The following TRERF1 variants were observed in gnomAD, a reference collection of about 807,000 sequenced individuals.
The protein encoded by TRERF1 is transcriptional regulating factor 1, also known as transcriptional-regulating factor 1.
A neutral mutation model predicts 122.9 loss-of-function variants in TRERF1; 27 were observed. The ratio of observed to expected loss-of-function variants is 0.22; its 90% CI spans 0.16 to 0.30. TRERF1 has a LOEUF of 0.30. TRERF1 is among the 10% of genes least tolerant of loss of function. The pLI is 1.00. For synonymous variants in TRERF1, 636 were observed against 641.7 expected, an observed-to-expected ratio of 0.99 and a Z score of 0.13; for missense variants, 1,248 against 1,560.3, an observed-to-expected ratio of 0.80 and a Z score of 3.37.
intron 2 of TRERF1, among the ~76,000 whole-genome samples, chr6:42,429,268 AC>A (rs961334689): frequency 6.6e-6 from 1 of 151,366 alleles, no homozygotes; most frequent in African/African-American, 2.4e-5. Context: ...GTCTGGAGAA[AC>A]CCCCTGCCCT....
chr6:42,435,471 A>G (rs895050712), intron 2 of TRERF1, among the ~76,000 whole-genome samples: 2 of 151,950 alleles, frequency 1.3e-5, no homozygotes, highest in African/African-American at 4.8e-5. Flanking sequence ...GGATTGCTTG[A>G]GCCTAGGAGG....
intron 2 of TRERF1, among the ~76,000 whole-genome samples, chr6:42,368,795 A>T (rs1773231788): frequency 6.6e-6 from 1 of 152,224 alleles, no homozygotes; most frequent in Non-Finnish European, 1.5e-5. Context: ...GGACATAGGC[A>T]TTATATCACA....
At chr6:42,304,103 T>G (rs1462994153) in intron 3 of TRERF1, among the ~76,000 whole-genome samples, 2 of 152,164 alleles carry the variant, frequency 1.3e-5, no homozygotes, top group Non-Finnish European at 2.9e-5. Flanking sequence ...TCTTACCTAC[T>G]TGTTTTCTGC....
intron 4 of TRERF1, among the ~76,000 whole-genome samples, chr6:42,287,563 G>A (rs963905245): frequency 6.6e-6 from 1 of 151,970 alleles, no homozygotes; most frequent in Admixed American, 6.6e-5. Context: ...ACCTCCTCCC[G>A]CCAAACAAAC....
At chr6:42,448,585 G>C (rs1290360155) in intron 2 of TRERF1, among the ~76,000 whole-genome samples, 1 of 152,208 alleles carries the variant, frequency 6.6e-6, no homozygotes, top group Non-Finnish European at 1.5e-5. Context: ...CTCAGGAAGA[G>C]ACTGTCAAGA....
At chr6:42,428,749 T>C (rs1433894531) in intron 2 of TRERF1, among the ~76,000 whole-genome samples, 1 of 152,248 alleles carries the variant, frequency 6.6e-6, no homozygotes, top group Non-Finnish European at 1.5e-5. Context: ...AGGTCAGCCC[T>C]GACTCCGAAA....
chr6:42,326,031 G>A (rs948735203), intron 3 of TRERF1, among the ~76,000 whole-genome samples: 2 of 152,212 alleles, frequency 1.3e-5, no homozygotes, highest in Non-Finnish European at 1.5e-5. Flanking sequence ...AAATGCGGGA[G>A]GGTGGCAAGG....
At chr6:42,308,941 A>T (rs901888836) in intron 3 of TRERF1, among the ~76,000 whole-genome samples, 1 of 126,922 alleles carries the variant, frequency 7.9e-6, no homozygotes, top group African/African-American at 3.2e-5. Context: ...GTAAAATAAA[A>T]GTTAAACATT....
At chr6:42,415,549 G>C (rs941842835) in intron 2 of TRERF1, among the ~76,000 whole-genome samples, 4 of 152,030 alleles carry the variant, frequency 2.6e-5, no homozygotes, top group Admixed American at 2.0e-4. Flanking sequence ...GCTTATTCTG[G>C]TCTAAGGCAT....
intron 3 of TRERF1, among the ~76,000 whole-genome samples, chr6:42,318,295 C>T (rs959968980): frequency 6.6e-6 from 1 of 152,218 alleles, no homozygotes; most frequent in Non-Finnish European, 1.5e-5. Context: ...GCCCCCAACA[C>T]TGAATACAGG....
intron 2 of TRERF1, among the ~76,000 whole-genome samples, chr6:42,414,693 A>C (rs1781581346): frequency 6.6e-6 from 1 of 152,238 alleles, no homozygotes; most frequent in African/African-American, 2.4e-5. Context: ...CCAATTATTC[A>C]GCCACATTAT....
rs139674722 is a variant in TRERF1 at position 42,292,121 on chromosome 6, A to G, written c.-259+8517T>C. Among the ~76,000 whole-genome samples, 563 of 152,296 alleles carry G rather than the reference A, an allele frequency of 3.7e-3. 2 individuals are homozygous for G. The highest frequency in any genetic ancestry group is 0.012 in the African/African-American group (497 of 41,564). ...TTAAACAAGAGAAGGTACAGGACACATGTGCTCCCAGGGAGGACTCGAGCA... is the reference window on the plus strand; with the variant it reads ...TTAAACAAGAGAAGGTACAGGACACGTGTGCTCCCAGGGAGGACTCGAGCA... On this transcript the variant is annotated intron_variant, in intron 4 of 17. Transcript: ENST00000372922.
At chr6:42,325,737 T>C (rs948385655) in intron 3 of TRERF1, among the ~76,000 whole-genome samples, 1 of 152,124 alleles carries the variant, frequency 6.6e-6, no homozygotes, top group African/African-American at 2.4e-5. Context: ...TAGCTGGGTG[T>C]GGTGGTGTGC....
chr6:42,360,364 C>T (rs1487518984), intron 3 of TRERF1, among the ~76,000 whole-genome samples: 2 of 152,162 alleles, frequency 1.3e-5, no homozygotes, highest in African/African-American at 2.4e-5. Flanking sequence ...AGAAATTAAA[C>T]GGGATTTCAG....
intron 2 of TRERF1, among the ~76,000 whole-genome samples, chr6:42,411,351 C>T (rs545039332): frequency 3.9e-5 from 6 of 152,198 alleles, no homozygotes; most frequent in Non-Finnish European, 7.3e-5. Context: ...AGCCAGTAAG[C>T]AGATGAGCTA....
At chr6:42,343,325 G>C (rs16895613) in intron 3 of TRERF1, among the ~76,000 whole-genome samples, 3,828 of 152,248 alleles carry the variant, frequency 0.025, 165 homozygotes, top group African/African-American at 0.087. Context: ...TTTAAAATGA[G>C]GGTTAGACTC....
intron 3 of TRERF1, among the ~76,000 whole-genome samples, chr6:42,350,268 C>T (rs1769161166): frequency 6.6e-6 from 1 of 152,266 alleles, no homozygotes; most frequent in South Asian, 2.1e-4. Context: ...GTAAATGAGG[C>T]CCAGAGTGAA....
At chr6:42,334,047 A>G (rs1288373856) in intron 3 of TRERF1, among the ~76,000 whole-genome samples, 1 of 152,182 alleles carries the variant, frequency 6.6e-6, no homozygotes, top group African/African-American at 2.4e-5. Context: ...ATATATGTAT[A>G]TGTATATGTA....
At position 42,256,839 on chromosome 6, in the gene TRERF1, G is replaced by C; in HGVS notation, c.2477-8C>G. 6.2e-7 allele frequency: 1 copy of C among 1,613,884 alleles called. No individual in the cohort carries two copies. Among genetic ancestry groups the C allele is most frequent in the Non-Finnish European group, 8.5e-7 (1 of 1,179,712 alleles). ...AATTCAGAAGATTCTCCACTGTTGG[G>C]AATAAGGAGAAGCCAATGCATCAGA... On this transcript the variant is annotated splice_region_variant and splice_polypyrimidine_tract_variant and intron_variant, in intron 11 of 17. Transcript: ENST00000372922.
Sources: allele counts gnomAD v4.1 joint callset (sites outside exome capture counted in the v4.1 genomes callset), GRCh38; gene constraint gnomAD v4.1.1; transcripts MANE v1.5; gene names NCBI Gene and HGNC (gene_info 2026-07-23, HGNC 2026-07-21).